The following GALNT17 variants were observed in gnomAD, a reference collection of about 807,000 sequenced individuals.
The protein encoded by GALNT17 is UDP-GalNAc:polypeptide N-acetylgalactosaminyltransferase-like 3.
A neutral mutation model predicts 63.7 loss-of-function variants in GALNT17; 29 were observed. The ratio of observed to expected loss-of-function variants is 0.46; its 90% CI spans 0.34 to 0.62. The LOEUF is 0.62. Among genes scored for constraint, GALNT17 ranks in the 20% least tolerant of loss-of-function variants. GALNT17 has a pLI of 0.01. For missense variants in GALNT17, 603 were observed against 799.6 expected, an observed-to-expected ratio of 0.75 and a Z score of 2.97; for synonymous variants, 305 against 318.3, an observed-to-expected ratio of 0.96 and a Z score of 0.45.
At chr7:71,295,723 C>T (rs537022626) in intron 1 of GALNT17, among the ~76,000 whole-genome samples, 2 of 152,056 alleles carry the variant, frequency 1.3e-5, no homozygotes, top group Admixed American at 6.6e-5. Context: ...CTCAGCCTCC[C>T]GAGTAGCTGG....
intron 2 of GALNT17, among the ~76,000 whole-genome samples, chr7:71,381,079 G>C (rs1792837699): frequency 6.6e-6 from 1 of 151,964 alleles, no homozygotes; most frequent in Non-Finnish European, 1.5e-5. Flanking sequence ...TCCCACCTCA[G>C]CCTCCTGAGT....
chr7:71,670,435 C>G (rs1382317777), intron 8 of GALNT17, among the ~76,000 whole-genome samples: 1 of 152,098 alleles, frequency 6.6e-6, no homozygotes, highest in African/African-American at 2.4e-5. Context: ...TTGGATGTAA[C>G]GAGAGGCAGG....
chr7:71,268,183 T>C (rs1790524710), intron 1 of GALNT17, among the ~76,000 whole-genome samples: 1 of 151,904 alleles, frequency 6.6e-6, no homozygotes, highest in Non-Finnish European at 1.5e-5. Flanking sequence ...TGTTTCTTTT[T>C]CCCTCCCAAC....
At chr7:71,421,769 G>A (rs900499685) in intron 5 of GALNT17, among the ~76,000 whole-genome samples, 2 of 152,076 alleles carry the variant, frequency 1.3e-5, no homozygotes, top group African/African-American at 4.8e-5. Flanking sequence ...GGCCAACATG[G>A]CGAAACCCCT....
intron 5 of GALNT17, among the ~76,000 whole-genome samples, chr7:71,536,865 C>A (rs1024840641): frequency 6.6e-6 from 1 of 152,182 alleles, no homozygotes; most frequent in Non-Finnish European, 1.5e-5. Context: ...CTTGGAAGAT[C>A]AAGATTCCTC....
chr7:71,290,715 A>G (rs1790964212), intron 1 of GALNT17, among the ~76,000 whole-genome samples: 1 of 152,036 alleles, frequency 6.6e-6, no homozygotes, highest in Non-Finnish European at 1.5e-5. Context: ...GTGTCTGAAA[A>G]TCCTCCCTGA....
chr7:71,435,044 TGG>T (rs1786933951), intron 5 of GALNT17, among the ~76,000 whole-genome samples: 1 of 152,162 alleles, frequency 6.6e-6, no homozygotes, highest in Admixed American at 6.5e-5. Flanking sequence ...CTCAGGAATA[TGG>T]ACAGATGCAG....
At chr7:71,525,670 G>A (rs1472576583) in intron 5 of GALNT17, among the ~76,000 whole-genome samples, 1 of 147,352 alleles carries the variant, frequency 6.8e-6, no homozygotes, top group East Asian at 2.0e-4. Context: ...GGAACTGTGA[G>A]TCCATTAAAT....
chr7:71,310,321 C>T (rs2178698), intron 1 of GALNT17, among the ~76,000 whole-genome samples: 152,013 of 152,330 alleles, frequency 1, 75,851 homozygotes, highest in Non-Finnish European at 1. Context: ...TACTTTGTCA[C>T]AAAGGATTCC....
intron 5 of GALNT17, among the ~76,000 whole-genome samples, chr7:71,555,690 A>T (rs920506115): frequency 2.0e-5 from 3 of 151,914 alleles, no homozygotes; most frequent in Admixed American, 2.0e-4. Context: ...CCCATCATCA[A>T]ACCAGTGTCT....
intron 5 of GALNT17, among the ~76,000 whole-genome samples, chr7:71,433,913 C>T (rs1971645): frequency 0.61 from 92,281 of 151,888 alleles, 30,224 homozygotes; most frequent in Non-Finnish European, 0.74. Flanking sequence ...TGTTTGGGCA[C>T]CATCTAATCA....
intron 2 of GALNT17, among the ~76,000 whole-genome samples, chr7:71,382,306 G>C (rs558262196): frequency 9.5e-4 from 144 of 152,252 alleles, no homozygotes; most frequent in African/African-American, 3.3e-3. Context: ...CTTGAACCCA[G>C]GGGGCGGAGG....
chr7:71,259,205 TG>T (rs1790338550), intron 1 of GALNT17, among the ~76,000 whole-genome samples: 2 of 152,068 alleles, frequency 1.3e-5, no homozygotes, highest in Admixed American at 6.6e-5. Context: ...TACCCAGAAA[TG>T]TCAAAGGCTT....
At chr7:71,205,447 C>T (rs149117282) in intron 1 of GALNT17, among the ~76,000 whole-genome samples, 6 of 152,126 alleles carry the variant, frequency 3.9e-5, no homozygotes, top group Admixed American at 2.0e-4. Flanking sequence ...CCACCGTGCC[C>T]GGCCACTTTT....
chr7:71,508,760 A>C (rs1788305890), intron 5 of GALNT17, among the ~76,000 whole-genome samples: 1 of 152,076 alleles, frequency 6.6e-6, no homozygotes, highest in Non-Finnish European at 1.5e-5. Context: ...TTCCCTCCAG[A>C]AAACTGTGTT....
chr7:71,645,286 A>G (rs1254903548), intron 6 of GALNT17, among the ~76,000 whole-genome samples: 1 of 152,206 alleles, frequency 6.6e-6, no homozygotes, highest in East Asian at 1.9e-4. Context: ...TTCATCTCGA[A>G]TTGTAATACC....
At chr7:71,495,876 G>A (rs1022872842) in intron 5 of GALNT17, among the ~76,000 whole-genome samples, 8 of 152,178 alleles carry the variant, frequency 5.3e-5, no homozygotes, top group Non-Finnish European at 7.3e-5. Flanking sequence ...ATAAAAATGG[G>A]AAGTCCAGGG....
intron 6 of GALNT17, among the ~76,000 whole-genome samples, chr7:71,612,495 A>G (rs1240616516): frequency 3.3e-5 from 5 of 152,258 alleles, no homozygotes; most frequent in Non-Finnish European, 7.3e-5. Flanking sequence ...GGTTGTGTTC[A>G]GCAAGCCATG....
At chr7:71,414,170 G>A (rs534895361) in intron 3 of GALNT17, among the ~76,000 whole-genome samples, 196 of 152,266 alleles carry the variant, frequency 1.3e-3, no homozygotes, top group African/African-American at 4.5e-3. Flanking sequence ...GAACCCAGGA[G>A]GTGGAGGTTG....
Sources: allele counts gnomAD v4.1 joint callset (sites outside exome capture counted in the v4.1 genomes callset), GRCh38; gene constraint gnomAD v4.1.1; transcripts MANE v1.5; gene names NCBI Gene and HGNC (gene_info 2026-07-23, HGNC 2026-07-21).